MYO5B: variants seen among roughly 807,000 people sequenced by gnomAD.
MYO5B encodes the protein unconventional myosin-Vb.
In MYO5B, 143 loss-of-function variants were observed where a neutral mutation model predicts 229.3. That is an observed-to-expected ratio of 0.62 (90% CI 0.54 to 0.72). The LOEUF is 0.72. MYO5B is among the 30% of genes least tolerant of loss of function. The pLI, the probability that MYO5B is intolerant of heterozygous loss-of-function variation, is 0.00. For synonymous variants in MYO5B, 918 were observed against 885.2 expected, an observed-to-expected ratio of 1.04 and a Z score of -0.66; for missense variants, 2,321 against 2,331.0, an observed-to-expected ratio of 1.00 and a Z score of 0.09.
At chr18:50,163,947 A>G (rs1178148012) in intron 1 of MYO5B, among the ~76,000 whole-genome samples, 3 of 152,194 alleles carry the variant, frequency 2.0e-5, no homozygotes, top group Non-Finnish European at 4.4e-5. Flanking sequence ...TTCATGTTTT[A>G]GCCATTAGGT....
rs547528185 is a variant in MYO5B, at chr18:49,938,068, T to A, written c.1753-671A>T. ...CATACAATCTCACTCAATCTTCACC[T>A]GCAAAGATGCGCAGAACTTCATTTC... On this transcript the variant is annotated intron_variant, in intron 14 of 39. Transcript: ENST00000285039. Among the ~76,000 whole-genome samples the A allele has an allele frequency of 2.6e-5, 4 of 152,328 alleles. No homozygotes were observed. In the South Asian group the frequency reaches 8.3e-4, roughly 32 times the overall value.
intron 1 of MYO5B, among the ~76,000 whole-genome samples, chr18:50,072,030 A>C (rs1029753358): frequency 6.6e-6 from 1 of 152,156 alleles, no homozygotes; most frequent in Non-Finnish European, 1.5e-5. Context: ...GGGAAATAGG[A>C]GCTAGAAGTC....
At chr18:50,105,683 C>T (rs1266599828) in intron 1 of MYO5B, among the ~76,000 whole-genome samples, 3 of 151,124 alleles carry the variant, frequency 2.0e-5, no homozygotes, top group South Asian at 4.2e-4. Flanking sequence ...ACACAGGTTT[C>T]GCCTGATTTC....
intron 1 of MYO5B, among the ~76,000 whole-genome samples, chr18:50,087,946 G>A (rs375261378): frequency 5.9e-5 from 9 of 152,320 alleles, no homozygotes; most frequent in African/African-American, 2.2e-4. Context: ...GCAGGGGTTG[G>A]GTACCACAGA....
At chr18:49,987,383 C>G (rs2025881876) in intron 7 of MYO5B, among the ~76,000 whole-genome samples, 1 of 152,172 alleles carries the variant, frequency 6.6e-6, no homozygotes, top group Non-Finnish European at 1.5e-5. Flanking sequence ...CTCAGTCTTC[C>G]CCCACCTGCT....
intron 9 of MYO5B, among the ~76,000 whole-genome samples, chr18:49,976,819 C>T (rs763091127): frequency 4.6e-5 from 7 of 152,186 alleles, no homozygotes; most frequent in Admixed American, 1.3e-4. Context: ...CCCTGCTCCC[C>T]GACTCCCCTA....
chr18:49,849,694 T>A, intron 31 of MYO5B, 34 bp from the exon 32 acceptor site: 1 of 1,546,576 alleles, frequency 6.5e-7, no homozygotes, highest in Non-Finnish European at 8.9e-7. Context: ...AGAACAGACA[T>A]CAGCCCGGCC....
intron 2 of MYO5B, among the ~76,000 whole-genome samples, chr18:50,042,533 A>C (rs189942660): frequency 1.3e-5 from 2 of 152,330 alleles, no homozygotes; most frequent in East Asian, 3.9e-4. Flanking sequence ...GTGAACAATT[A>C]ACTATCATGT....
intron 26 of MYO5B, among the ~76,000 whole-genome samples, chr18:49,874,795 C>T (rs970622714): frequency 1.3e-5 from 2 of 152,138 alleles, no homozygotes; most frequent in Non-Finnish European, 2.9e-5. Flanking sequence ...CAGAATTGGC[C>T]TTGTACCCTT....
At position 50,036,892 on chromosome 18, in the gene MYO5B, T is replaced by TG; in HGVS notation, c.412dup (p.His138ProfsTer17). ...GGCTTCTTCTGCCACAGCAAAGATG[T>TG]GGGGGTCCATGTCTCCCATGTTTTG... On this transcript the variant is annotated frameshift_variant, in exon 4 of 40. Transcript: ENST00000285039. LOFTEE classifies it high-confidence loss of function. 6.2e-6 allele frequency: 10 copies of TG among 1,614,108 alleles called. No individual in the cohort carries two copies. Among genetic ancestry groups the TG allele is most frequent in the Non-Finnish European group, 8.5e-6 (10 of 1,180,014 alleles).
intron 23 of MYO5B, among the ~76,000 whole-genome samples, chr18:49,880,094 A>G (rs2024569983): frequency 6.6e-6 from 1 of 152,206 alleles, no homozygotes; most frequent in Non-Finnish European, 1.5e-5. Flanking sequence ...AAGGCCATAC[A>G]GAAGCACACG....
chr18:50,090,789 A>G (rs1457581231), intron 1 of MYO5B, among the ~76,000 whole-genome samples: 1 of 152,092 alleles, frequency 6.6e-6, no homozygotes, highest in Non-Finnish European at 1.5e-5. Context: ...CCATCCAGAA[A>G]GAGCCTCATT....
intron 2 of MYO5B, among the ~76,000 whole-genome samples, chr18:50,044,912 G>C (rs77399977): frequency 6.6e-6 from 1 of 152,056 alleles, no homozygotes; most frequent in Non-Finnish European, 1.5e-5. Context: ...AAAAAGGAGG[G>C]AGAGGGAGGG....
chr18:50,111,435 G>A (rs778871607), intron 1 of MYO5B, among the ~76,000 whole-genome samples: 52 of 152,184 alleles, frequency 3.4e-4, no homozygotes, highest in Non-Finnish European at 4.9e-4. Flanking sequence ...TAAACTAGTA[G>A]GCAGAAAAAC....
chr18:50,147,698 A>C (rs895106311), intron 1 of MYO5B, among the ~76,000 whole-genome samples: 4 of 152,158 alleles, frequency 2.6e-5, no homozygotes, highest in Non-Finnish European at 5.9e-5. Context: ...GCCTGGCCCC[A>C]GTGACCTCAC....
chr18:50,025,863 CATT>C (rs2026325362), intron 4 of MYO5B, among the ~76,000 whole-genome samples: 1 of 152,170 alleles, frequency 6.6e-6, no homozygotes. Flanking sequence ...CTTCCCTAGA[CATT>C]AAACTCATTA....
At chr18:50,098,631 A>T (rs966368334) in intron 1 of MYO5B, 1 of 152,286 alleles carries the variant, frequency 6.6e-6, no homozygotes, top group Non-Finnish European at 1.5e-5. Context: ...CAGAGATGGT[A>T]GGATTTATGC....
At chr18:49,833,723 T>C (rs1464084833) in intron 39 of MYO5B, among the ~76,000 whole-genome samples, 2 of 152,188 alleles carry the variant, frequency 1.3e-5, no homozygotes, top group Admixed American at 6.5e-5. Context: ...ACTTGCACTT[T>C]TGTATAAATT....
At chr18:50,002,035 CA>C (rs34864756) in intron 4 of MYO5B, among the ~76,000 whole-genome samples, 1,686 of 129,326 alleles carry the variant, frequency 0.013, 35 homozygotes, top group African/African-American at 0.046. Flanking sequence ...AACTCCGTCT[CA>C]AAAAAAAAAA....
Sources: gnomAD v4.1 joint callset for allele counts (sites outside exome capture counted in the v4.1 genomes callset) on GRCh38, gnomAD v4.1.1 for gene constraint, MANE v1.5 for transcripts, NCBI Gene and HGNC (gene_info 2026-07-23, HGNC 2026-07-21) for gene names.